COX7B2: variants seen among roughly 807,000 people sequenced by gnomAD.
COX7B2 encodes the protein cytochrome c oxidase subunit 7B2, mitochondrial.
For synonymous variants in COX7B2, 37 were observed against 32.1 expected, an observed-to-expected ratio of 1.15 and a Z score of -0.51; for missense variants, 109 against 95.9, an observed-to-expected ratio of 1.14 and a Z score of -0.57.
intron 2 of COX7B2, among the ~76,000 whole-genome samples, chr4:46,800,883 C>T (rs1013315645): frequency 6.6e-6 from 1 of 152,030 alleles, no homozygotes; most frequent in Non-Finnish European, 1.5e-5. Flanking sequence ...GGTCTAAGCC[C>T]AGAATCTGTG....
chr4:46,827,540 C>A (rs539808654), intron 2 of COX7B2, among the ~76,000 whole-genome samples: 1 of 151,962 alleles, frequency 6.6e-6, no homozygotes, highest in Non-Finnish European at 1.5e-5. Context: ...TAATTATGTC[C>A]GTAGAATTGC....
chr4:46,783,717 G>T (rs1717601708), intron 2 of COX7B2, among the ~76,000 whole-genome samples: 1 of 151,950 alleles, frequency 6.6e-6, no homozygotes, highest in African/African-American at 2.4e-5. Flanking sequence ...ATGAACAAAA[G>T]TCAAACTAGC....
intron 1 of COX7B2, among the ~76,000 whole-genome samples, chr4:46,892,838 G>A (rs577564875): frequency 2.0e-5 from 3 of 152,232 alleles, no homozygotes; most frequent in South Asian, 2.1e-4. Flanking sequence ...CATAAGTGTC[G>A]CAAGAGGGAC....
chr4:46,897,346 C>A (rs1030682916), intron 1 of COX7B2, among the ~76,000 whole-genome samples: 1 of 152,096 alleles, frequency 6.6e-6, no homozygotes, highest in African/African-American at 2.4e-5. Context: ...TCTATATCCA[C>A]ATCAAAAAAA....
At chr4:46,747,451 G>T (rs886848949) in intron 2 of COX7B2, among the ~76,000 whole-genome samples, 3 of 151,892 alleles carry the variant, frequency 2.0e-5, no homozygotes, top group African/African-American at 7.3e-5. Flanking sequence ...TTACAGGTGT[G>T]TGCCACCACG....
chr4:46,803,555 T>C (rs894168078), intron 2 of COX7B2, among the ~76,000 whole-genome samples: 4 of 152,136 alleles, frequency 2.6e-5, no homozygotes, highest in Non-Finnish European at 4.4e-5. Context: ...TCTCAAACTA[T>C]GTAATTATAT....
In COX7B2 at chr4:46,735,126, C is replaced by T. The variant is rs1202331295; in HGVS notation, c.67G>A (p.Ala23Thr). The T allele has an allele frequency of 6.2e-7, 1 of 1,613,708 alleles. No homozygotes were observed. Among genetic ancestry groups the T allele is most frequent in the Non-Finnish European group, 8.5e-7 (1 of 1,179,848 alleles). ...LKIQSILQSM[A>T]RHSHVKHSPD... is the part of the protein sequence containing the mutation. ...GAGTGTTTTACATGGCTATGTCTTGCCATGCTTTGCAGAATGCTTTGAATC... is the reference window on the plus strand; with the variant it reads ...GAGTGTTTTACATGGCTATGTCTTGTCATGCTTTGCAGAATGCTTTGAATC... Residue 23 changes from alanine (A) to threonine (T), a missense_variant, in exon 3 of 3, where the codon GCA becomes ACA. By Grantham distance (58) the Ala-to-Thr change is moderately conservative (BLOSUM62 0). Coordinates refer to ENST00000355591, the MANE Select transcript of COX7B2 (RefSeq NM_130902.3).
At chr4:46,860,574 A>C (rs550458831) in intron 1 of COX7B2, among the ~76,000 whole-genome samples, 1 of 152,282 alleles carries the variant, frequency 6.6e-6, no homozygotes, top group South Asian at 2.1e-4. Context: ...CTGGTGAATC[A>C]GGAAATGAAG....
intron 1 of COX7B2, among the ~76,000 whole-genome samples, chr4:46,898,092 C>G (rs1719872087): frequency 1.3e-5 from 2 of 152,108 alleles, no homozygotes; most frequent in Admixed American, 1.3e-4. Context: ...GAACCTGTAT[C>G]TCCTCCCTAG....
At chr4:46,899,759 A>G (rs980392693) in intron 1 of COX7B2, among the ~76,000 whole-genome samples, 1 of 152,246 alleles carries the variant, frequency 6.6e-6, no homozygotes, top group Non-Finnish European at 1.5e-5. Flanking sequence ...TATTTCTGCA[A>G]CAATTACACA....
At chr4:46,857,360 T>C (rs1210393089) in intron 1 of COX7B2, among the ~76,000 whole-genome samples, 2 of 152,360 alleles carry the variant, frequency 1.3e-5, no homozygotes, top group East Asian at 3.9e-4. Flanking sequence ...ATCCATTTAA[T>C]TTGTTTTACA....
Position 46,735,070 on chromosome 4 carries a change from A to G in COX7B2, c.123T>C (p.Ala41=). ...SPDFHDKYGN[A]VLASGTAFCV... ...AGAAAGCAGTTCCACTGGCTAGCAC[A>G]GCATTACCATATTTATCATGAAAAT... Residue 41 remains alanine, a synonymous_variant, in exon 3 of 3, where the codon GCT becomes GCC. Transcript: ENST00000355591. 1 of 1,614,110 alleles carries G rather than the reference A, an allele frequency of 6.2e-7. No homozygotes were observed.
chr4:46,830,495 T>C (rs1402823023), intron 2 of COX7B2, among the ~76,000 whole-genome samples: 1 of 152,042 alleles, frequency 6.6e-6, no homozygotes, highest in African/African-American at 2.4e-5. Context: ...AATAATATAA[T>C]GGTATATTGT....
chr4:46,783,982 T>C (rs1464931567), intron 2 of COX7B2, among the ~76,000 whole-genome samples: 1 of 152,214 alleles, frequency 6.6e-6, no homozygotes, highest in Non-Finnish European at 1.5e-5. Context: ...TGGGACAGTA[T>C]CATGAACTTA....
chr4:46,858,351 C>G (rs911893329), intron 1 of COX7B2, among the ~76,000 whole-genome samples: 1 of 152,162 alleles, frequency 6.6e-6, no homozygotes, highest in Non-Finnish European at 1.5e-5. Flanking sequence ...CTGCCTCGGC[C>G]TCCCACACTA....
intron 2 of COX7B2, among the ~76,000 whole-genome samples, chr4:46,831,721 C>T (rs1248976630): frequency 2.6e-5 from 4 of 152,144 alleles, no homozygotes; most frequent in Non-Finnish European, 4.4e-5. Flanking sequence ...GATTGTGATA[C>T]ACCAATCAGC....
intron 1 of COX7B2, among the ~76,000 whole-genome samples, chr4:46,907,847 A>ATTTTTTTTTTTTT (rs1308450950): frequency 1.5e-5 from 1 of 67,234 alleles, no homozygotes; most frequent in Non-Finnish European, 3.2e-5. Flanking sequence ...ATTTGAGCAG[A>ATTTTTTTTTTTTT]CTTTTTTTTT....
chr4:46,807,823 A>G (rs1719081089), intron 2 of COX7B2, among the ~76,000 whole-genome samples: 2 of 151,902 alleles, frequency 1.3e-5, no homozygotes, highest in South Asian at 4.1e-4. Flanking sequence ...GTCTAAAATT[A>G]GTTGATAGTA....
chr4:46,741,366 C>T (rs771922062), intron 2 of COX7B2, among the ~76,000 whole-genome samples: 31 of 152,008 alleles, frequency 2.0e-4, no homozygotes, highest in Non-Finnish European at 3.8e-4. Flanking sequence ...AGTAGCATCC[C>T]TACCTCTACC....
Sources: gnomAD v4.1 joint callset for allele counts (sites outside exome capture counted in the v4.1 genomes callset) on GRCh38, gnomAD v4.1.1 for gene constraint, MANE v1.5 for transcripts, NCBI Gene and HGNC (gene_info 2026-07-23, HGNC 2026-07-21) for gene names.